The following VCAN variants were observed in gnomAD, a reference collection of about 807,000 sequenced individuals.
The protein encoded by VCAN is versican core protein.
A neutral mutation model predicts 245.5 loss-of-function variants in VCAN; 44 were observed. The ratio of observed to expected loss-of-function variants is 0.18; its 90% CI spans 0.14 to 0.23. VCAN has a LOEUF of 0.23. Ranked by LOEUF, VCAN falls within the 10% of genes least tolerant of loss-of-function variation. The probability of loss-of-function intolerance (pLI) is 1.00; values close to 1 mark genes in which losing one functional copy is unlikely to be tolerated. For missense variants in VCAN, 3,793 were observed against 4,057.9 expected, an observed-to-expected ratio of 0.93 and a Z score of 1.77; for synonymous variants, 1,413 against 1,437.0, an observed-to-expected ratio of 0.98 and a Z score of 0.38.
chr5:83,522,643 AG>A (rs1452087994), intron 7 of VCAN, among the ~76,000 whole-genome samples: 2 of 152,348 alleles, frequency 1.3e-5, no homozygotes, highest in South Asian at 2.1e-4. Context: ...ACTCAAGTGT[AG>A]CACTAGACTG....
chr5:83,471,886 T>A lies in VCAN; in HGVS notation c.-144T>A. ...GCCAGCCCCGCATCCTCCCGCATCT[T>A]CCAGCACCGTCCCGCACCCTCCGCA... On this transcript the variant is annotated 5_prime_UTR_variant, in exon 1 of 15. Transcript: ENST00000265077. 2.5e-6 allele frequency: 1 copy of A among 394,576 alleles called. No individual in the cohort carries two copies. The highest frequency in any genetic ancestry group is 4.5e-6 in the Non-Finnish European group (1 of 223,946). The allele number at this position is 394,576 out of a possible 1,614,324, so 24.4% of individuals were successfully genotyped here. A position where few individuals can be genotyped will look rare whatever the true frequency, so the allele number is the denominator to read the frequency against.
intron 2 of VCAN, among the ~76,000 whole-genome samples, chr5:83,485,872 G>A (rs180887162): frequency 1.1e-3 from 168 of 152,250 alleles, no homozygotes; most frequent in African/African-American, 3.9e-3. Context: ...GGCCAAGGTC[G>A]GAGGAGTGAT....
chr5:83,519,217 C>T lies in VCAN; in HGVS notation c.1043-132C>T, dbSNP rs1745974055. ...ATTCAAGTATAGTTTTAAGACTCCT[C>T]TCCATCACAGAACATTTCTGGGCCA... On this transcript the variant is annotated intron_variant, in intron 6 of 14. Coordinates refer to ENST00000265077, the MANE Select transcript of VCAN (RefSeq NM_004385.5). 14 of 798,418 alleles carry T rather than the reference C, an allele frequency of 1.8e-5. No individual in the cohort carries two copies. In the East Asian group the frequency reaches 3.4e-4, roughly 19 times the overall value. 49.5% of individuals were successfully genotyped at this position (798,418 alleles called of 1,614,324 possible).
Position 83,537,874 on chromosome 5 carries a change from C to T in VCAN, c.4871C>T (p.Pro1624Leu). The T allele has an allele frequency of 1.9e-6, 3 of 1,613,898 alleles. No homozygotes were observed. Among genetic ancestry groups the T allele is most frequent in the Non-Finnish European group, 2.5e-6 (3 of 1,179,942 alleles). Residue 1624 changes from proline to leucine, a missense_variant, in exon 8 of 15, where the codon CCT (proline) becomes CTT (leucine). Coordinates refer to ENST00000265077, the MANE Select transcript of VCAN (RefSeq NM_004385.5). ...AAAGAAAGCTGGGTAGAAGCAACTC[C>T]TAGACAAGTTGTAGAGCTCTCAGGG... is the stretch of plus-strand genomic sequence containing the variant. ...STKESWVEAT[P>L]RQVVELSGSS...
chr5:83,520,192 G>T lies in VCAN; in HGVS notation c.1886G>T (p.Gly629Val). 1 of 1,614,028 alleles carries T rather than the reference G, an allele frequency of 6.2e-7. No individual in the cohort carries two copies. The highest frequency in any genetic ancestry group is 8.5e-7 in the Non-Finnish European group (1 of 1,179,972). Residue 629 changes from glycine (G) to valine (V), a missense_variant, in exon 7 of 15, where the codon GGT becomes GTT. Gly to Val is a moderately radical substitution (Grantham distance 109, BLOSUM62 -3). Transcript: ENST00000265077. ...GACTGGGAAGAGAGACAAACTAGTG[G>T]TAGGATAACGGAAGAGTTTCTTGGC... ...MDDWEERQTS[G>V]RITEEFLGKY...
At position 83,512,143 on chromosome 5, in the gene VCAN, C is replaced by T. The variant is rs1580619368; in HGVS notation, c.789C>T (p.Phe263=). 1.2e-6 allele frequency: 2 copies of T among 1,614,066 alleles called. No homozygotes were observed. The highest frequency in any genetic ancestry group is 2.2e-5 in the East Asian group (1 of 44,864). The change falls in exon 6 of 15, where the codon TTC becomes TTT. Residue 263 remains phenylalanine, a synonymous_variant. Transcript: ENST00000265077. The stretch of plus-strand genomic sequence containing the variant: ...TCACTGTCCCCAGTAAATTCACCTT[C>T]GAGGAGGCTGCAAAAGAGTGTGAAA... ...FHLTVPSKFT[F]EEAAKECENQ...
At chr5:83,510,116 G>C (rs1255570363) in intron 5 of VCAN, among the ~76,000 whole-genome samples, 2 of 152,150 alleles carry the variant, frequency 1.3e-5, no homozygotes, top group East Asian at 3.8e-4. Flanking sequence ...TGTTGTATTT[G>C]AGATTACTGT....
Position 83,538,698 on chromosome 5 carries a change from A to C in VCAN, c.5695A>C (p.Ile1899Leu). The change falls in exon 8 of 15, where the codon ATA becomes CTA. Residue 1899 changes from isoleucine to leucine, a missense_variant. By Grantham distance (5) the Ile-to-Leu change is conservative (BLOSUM62 2). Transcript: ENST00000265077. Reference protein sequence around the residue: ...TVMDRVVAENITQTSREIVIS... With the variant: ...TVMDRVVAENLTQTSREIVIS... ...AATGGACAGAGTAGTTGCTGAAAAT[A>C]TAACCCAAACATCCAGGGAAATAGT... 1 of 1,614,140 alleles carries C rather than the reference A, an allele frequency of 6.2e-7. No homozygotes were observed. Among genetic ancestry groups the C allele is most frequent in the East Asian group, 2.2e-5 (1 of 44,880 alleles).
At position 83,512,084 on chromosome 5, in the gene VCAN, T is replaced by TC. The variant is rs1041662081; in HGVS notation, c.749-16dup. On this transcript the variant is annotated intron_variant, in intron 5 of 14. Transcript: ENST00000265077. ...GAATAATAAAACTTTGGGCTTTTTTTCCCTTCTTTTTTTTCCAGGTGATGT... is the reference window on the plus strand; with the variant it reads ...GAATAATAAAACTTTGGGCTTTTTTTCCCCTTCTTTTTTTTCCAGGTGATGT... 1.2e-6 allele frequency: 2 copies of TC among 1,613,802 alleles called. No homozygotes were observed. The highest frequency in any genetic ancestry group is 4.5e-5 in the East Asian group (2 of 44,890).
chr5:83,493,672 A>T lies in VCAN; in HGVS notation c.572A>T (p.Asp191Val). The T allele has an allele frequency of 6.2e-7, 1 of 1,614,090 alleles. No homozygotes were observed. Among genetic ancestry groups the T allele is most frequent in the Non-Finnish European group, 8.5e-7 (1 of 1,179,998 alleles). ...GAGCAGCTCTTTGCTGCCTATGAAGATGGATTTGAGCAGTGTGACGCAGGC... is the reference window on the plus strand; with the variant it reads ...GAGCAGCTCTTTGCTGCCTATGAAGTTGGATTTGAGCAGTGTGACGCAGGC... ...TPEQLFAAYEDGFEQCDAGWL... is the reference protein window; with the variant it reads ...TPEQLFAAYEVGFEQCDAGWL... Residue 191 changes from aspartate to valine, a missense_variant, in exon 4 of 15, where the codon GAT becomes GTT. Physicochemically the swap from Asp to Val is radical, Grantham distance 152. Transcript: ENST00000265077.
At chr5:83,525,246 A>T (rs1357450181) in intron 7 of VCAN, among the ~76,000 whole-genome samples, 1 of 152,072 alleles carries the variant, frequency 6.6e-6, no homozygotes, top group Non-Finnish European at 1.5e-5. Flanking sequence ...GGGTGTGTTT[A>T]ACAGTGGTTC....
intron 5 of VCAN, among the ~76,000 whole-genome samples, chr5:83,506,833 G>A (rs1745496178): frequency 6.6e-6 from 1 of 152,154 alleles, no homozygotes; most frequent in Admixed American, 6.5e-5. Context: ...AGAGGTGAAA[G>A]GCACTTCTTA....
At chr5:83,495,954 T>C (rs1196518202) in intron 5 of VCAN, among the ~76,000 whole-genome samples, 2 of 152,200 alleles carry the variant, frequency 1.3e-5, no homozygotes, top group Non-Finnish European at 2.9e-5. Context: ...AGAGCTACTA[T>C]CAGCTCTTAG....
At chr5:83,579,819 T>G (rs1188954995) in intron 13 of VCAN, among the ~76,000 whole-genome samples, 161 bp from the exon 14 acceptor site, 1 of 152,180 alleles carries the variant, frequency 6.6e-6, no homozygotes, top group East Asian at 1.9e-4. Context: ...AGCCTCAACA[T>G]TACATTTTCT....
intron 12 of VCAN, among the ~76,000 whole-genome samples, chr5:83,566,567 C>A (rs897737704): frequency 6.6e-6 from 1 of 152,136 alleles, no homozygotes; most frequent in Admixed American, 6.5e-5. Context: ...AGAGACCTCT[C>A]CCCACCCACC....
intron 14 of VCAN, 35 bp from the exon 15 acceptor site, chr5:83,580,272 G>A (rs139744483): frequency 1.9e-6 from 3 of 1,613,738 alleles, no homozygotes; most frequent in African/African-American, 2.7e-5. Context: ...GTAATATTGT[G>A]TGTTTTCTTT....
Position 83,537,607 on chromosome 5 carries a change from A to G in VCAN, c.4604A>G (p.Glu1535Gly), listed in dbSNP as rs61749614. 3.9e-3 allele frequency: 6,366 copies of G among 1,613,816 alleles called. 21 individuals are homozygous for G. The highest frequency in any genetic ancestry group is 7.3e-3 in the Middle Eastern group (44 of 6,056). The change falls in exon 8 of 15, where the codon GAA (glutamate) becomes GGA (glycine). Residue 1535 changes from glutamate (E) to glycine (G), a missense_variant. Glu to Gly is a moderately conservative substitution (Grantham distance 98). This residue lies in a region of VCAN where 3,182 missense variants were observed against 3,250.3 expected (regional missense o/e 0.98). Coordinates refer to ENST00000265077, the MANE Select transcript of VCAN (RefSeq NM_004385.5). Reference protein sequence around the residue: ...RDTEVGHQAHEHTEPVSLFPE... With the variant: ...RDTEVGHQAHGHTEPVSLFPE... ...ACTGAAGTTGGTCATCAGGCACATG[A>G]ACATACTGAACCTGTATCTCTGTTT...
At chr5:83,580,234 G>A in intron 14 of VCAN, 72 bp downstream of exon 14, 2 of 1,613,626 alleles carry the variant, frequency 1.2e-6, no homozygotes, top group Non-Finnish European at 1.7e-6. Context: ...TTACGGCTGT[G>A]GTATCGGCAG....
At chr5:83,498,344 A>G (rs1434697487) in intron 5 of VCAN, among the ~76,000 whole-genome samples, 1 of 152,236 alleles carries the variant, frequency 6.6e-6, no homozygotes, top group Non-Finnish European at 1.5e-5. Flanking sequence ...GGAAACATAC[A>G]AATTCATTTT....
Sources: allele counts gnomAD v4.1 joint callset (sites outside exome capture counted in the v4.1 genomes callset), GRCh38; gene constraint gnomAD v4.1.1; regional missense constraint gnomAD v4.1.1; transcripts MANE v1.5; gene names NCBI Gene and HGNC (gene_info 2026-07-23, HGNC 2026-07-21).